SLC35F3: variants seen among roughly 807,000 people sequenced by gnomAD.
SLC35F3 encodes solute carrier family 35 member F3.
Under a neutral mutation model 49.9 loss-of-function variants are expected in SLC35F3, and 25 were observed. That is an observed-to-expected ratio of 0.50 (90% confidence interval 0.37 to 0.70). The LOEUF is 0.70. SLC35F3 is among the 30% of genes least tolerant of loss of function. The pLI, the probability that SLC35F3 is intolerant of heterozygous loss-of-function variation, is 0.00. For synonymous variants in SLC35F3, 275 were observed against 265.4 expected (o/e 1.04, Z -0.35); for missense variants, 525 against 639.8 (o/e 0.82, Z 1.94).
rs544197857 is a variant in SLC35F3 at position 234,036,845 on chromosome 1, T to A, written c.283+131087T>A. Among the ~76,000 whole-genome samples, 13 of 152,344 alleles carry A rather than the reference T, an allele frequency of 8.5e-5. No homozygotes were observed. In the South Asian group the frequency reaches 2.5e-3, roughly 29 times the overall value. ...GGGTTTTGTAGTATAATTAGTTTGG[T>A]TCTCAGTTTTCCCCACTGCTGGGTC... On this transcript the variant is annotated intron_variant, in intron 2 of 7. Transcript: ENST00000366618.
rs541371692 is a variant in SLC35F3, at chr1:233,982,658, A to G, written c.283+76900A>G. Among the ~76,000 whole-genome samples the G allele has an allele frequency of 1.5e-4, 23 of 152,140 alleles. 1 individual carries two copies. The South Asian group carries it at 4.8e-3, about 32-fold the overall frequency. The stretch of plus-strand genomic sequence containing the variant: ...CAAAGTGCTGGGGAGAGTTCTTTAT[A>G]TATTTTAGATATGATTCTTTTGTCA... On this transcript the variant is annotated intron_variant, in intron 2 of 7. Coordinates refer to ENST00000366618, the MANE Select transcript of SLC35F3 (RefSeq NM_173508.4).
chr1:234,153,300 A>C (rs1666101837), intron 2 of SLC35F3, among the ~76,000 whole-genome samples: 1 of 152,200 alleles, frequency 6.6e-6, no homozygotes, highest in Non-Finnish European at 1.5e-5. Flanking sequence ...GTGCTCTCAC[A>C]ATATAGATAC....
intron 2 of SLC35F3, among the ~76,000 whole-genome samples, chr1:234,186,876 G>A (rs1326395378): frequency 6.6e-6 from 1 of 152,152 alleles, no homozygotes; most frequent in Non-Finnish European, 1.5e-5. Flanking sequence ...GCTCAGGGCT[G>A]TGGAGCTCCT....
intron 2 of SLC35F3, among the ~76,000 whole-genome samples, chr1:234,004,160 T>C (rs970537692): frequency 2.0e-5 from 3 of 152,204 alleles, no homozygotes; most frequent in African/African-American, 7.2e-5. Flanking sequence ...GAATGTTCTC[T>C]ACATCATTAT....
intron 2 of SLC35F3, among the ~76,000 whole-genome samples, chr1:234,204,122 C>T (rs1196239389): frequency 6.6e-6 from 1 of 151,908 alleles, no homozygotes; most frequent in Non-Finnish European, 1.5e-5. Context: ...TTCTGATGAA[C>T]ATTTAGGTTA....
chr1:234,319,018 G>A, intron 6 of SLC35F3, 75 bp downstream of exon 6: 1 of 1,290,778 alleles, frequency 7.7e-7, no homozygotes, highest in Non-Finnish European at 1.1e-6. Context: ...CATGTTCCCT[G>A]AAGGCAGAAA....
chr1:234,022,074 A>C (rs1470298287), intron 2 of SLC35F3, among the ~76,000 whole-genome samples: 1 of 152,236 alleles, frequency 6.6e-6, no homozygotes, highest in African/African-American at 2.4e-5. Context: ...AGGAGAGCAT[A>C]AAATAATTTA....
At chr1:234,285,246 A>G in intron 3 of SLC35F3, 1 of 433,708 alleles carries the variant, frequency 2.3e-6, no homozygotes. Context: ...CCCTCAGAAG[A>G]TGAGGCTGCT....
At chr1:234,022,299 G>C (rs1290514218) in intron 2 of SLC35F3, among the ~76,000 whole-genome samples, 2 of 150,724 alleles carry the variant, frequency 1.3e-5, no homozygotes, top group Non-Finnish European at 3.0e-5. Context: ...TGTGTAATAA[G>C]AGAGAGAAAC....
intron 2 of SLC35F3, among the ~76,000 whole-genome samples, chr1:234,011,902 T>C (rs1008123297): frequency 2.6e-5 from 4 of 151,996 alleles, no homozygotes; most frequent in African/African-American, 4.8e-5. Context: ...AGACAAAGTA[T>C]AGAGAAAGAA....
rs113218349 is a variant in SLC35F3 at position 234,246,538 on chromosome 1, C to T, written c.608+14797C>T. ...CTGCCAAATGATAAGAGCAAACACA[C>T]GATGTGTTTTCTGTCCATGAATCTT... On this transcript the variant is annotated intron_variant, in intron 3 of 7. Coordinates refer to ENST00000366618, the MANE Select transcript of SLC35F3 (RefSeq NM_173508.4). 7.0e-3 allele frequency among the ~76,000 whole-genome samples: 1,070 copies of T among 152,336 alleles called. 8 individuals are homozygous for T. Among genetic ancestry groups the T allele is most frequent in the African/African-American group, 0.024 (1,003 of 41,564 alleles).
intron 2 of SLC35F3, among the ~76,000 whole-genome samples, chr1:233,921,716 A>T (rs568495642): frequency 6.6e-6 from 1 of 151,996 alleles, no homozygotes; most frequent in African/African-American, 2.4e-5. Flanking sequence ...GGTATGTTAC[A>T]TATGTATACA....
intron 2 of SLC35F3, among the ~76,000 whole-genome samples, chr1:233,931,878 G>A (rs1484177015): frequency 6.6e-6 from 1 of 152,144 alleles, no homozygotes; most frequent in Non-Finnish European, 1.5e-5. Context: ...CAATAGCAAA[G>A]ACTTGGAACC....
rs1491297627 is a variant in SLC35F3 at position 234,152,253 on chromosome 1, A to ATTATTATTATTATTATT, written c.284-79164_284-79163insTTATTATTATTATTATT. Among the ~76,000 whole-genome samples the ATTATTATTATTATTATT allele has an allele frequency of 1.4e-3, 179 of 128,198 alleles. 1 individual carries two copies. The highest frequency in any genetic ancestry group is 0.012 in the South Asian group (45 of 3,804). The allele number at this position is 128,198 out of a possible 152,430, so 84.1% of individuals were successfully genotyped here. ...TTATTATTATTATTATTATTATTAT[A>ATTATTATTATTATTATT]CTTTAAATTCTGGGATACATGTGCA... On this transcript the variant is annotated intron_variant, in intron 2 of 7. Coordinates refer to ENST00000366618, the MANE Select transcript of SLC35F3 (RefSeq NM_173508.4).
At chr1:234,132,911 T>C (rs1665756274) in intron 2 of SLC35F3, among the ~76,000 whole-genome samples, 1 of 152,180 alleles carries the variant, frequency 6.6e-6, no homozygotes, top group Non-Finnish European at 1.5e-5. Context: ...AACTATTGAG[T>C]GCTGACTCTG....
Position 234,164,536 on chromosome 1 carries a change from C to T in SLC35F3, c.284-66881C>T, listed in dbSNP as rs574286037. ...ACCTTGCAGTCACTCCAGGCACAGT[C>T]ATTGGAAGGGCGGCCACGTGGCTTG... On this transcript the variant is annotated intron_variant, in intron 2 of 7. Coordinates refer to ENST00000366618, the MANE Select transcript of SLC35F3 (RefSeq NM_173508.4). Among the ~76,000 whole-genome samples, 3 of 152,260 alleles carry T rather than the reference C, an allele frequency of 2.0e-5. No homozygotes were observed. The South Asian group carries it at 6.2e-4, about 32-fold the overall frequency.
intron 2 of SLC35F3, among the ~76,000 whole-genome samples, chr1:234,181,169 CA>C (rs148012803): frequency 6.7e-6 from 1 of 149,384 alleles, no homozygotes; most frequent in African/African-American, 2.4e-5. Flanking sequence ...CCTCTGTCTA[CA>C]AAAAAAAATA....
chr1:234,197,446 G>T (rs1040620097), intron 2 of SLC35F3, among the ~76,000 whole-genome samples: 1 of 152,234 alleles, frequency 6.6e-6, no homozygotes, highest in Non-Finnish European at 1.5e-5. Context: ...GTCAAGGAGA[G>T]AGTTCGGTTA....
intron 2 of SLC35F3, among the ~76,000 whole-genome samples, chr1:234,011,613 A>C (rs979923973): frequency 6.6e-6 from 1 of 152,144 alleles, no homozygotes; most frequent in African/African-American, 2.4e-5. Context: ...AGTTAACCTA[A>C]TGTGCTCATC....
Sources: allele counts gnomAD v4.1 joint callset (sites outside exome capture counted in the v4.1 genomes callset), GRCh38; gene constraint gnomAD v4.1.1; transcripts MANE v1.5; gene names NCBI Gene and HGNC (gene_info 2026-07-23, HGNC 2026-07-21).